CCDC170: variants seen among roughly 807,000 people sequenced by gnomAD.
CCDC170 encodes the protein coiled-coil domain-containing protein 170.
Under a neutral mutation model 72.6 loss-of-function variants are expected in CCDC170, and 69 were observed. The observed-to-expected ratio is 0.95, with a 90% CI of 0.78 to 1.16. The LOEUF is 1.16. Ranked by LOEUF, CCDC170 falls within the 50% of genes most tolerant of loss-of-function variation. The pLI is 0.00. For missense variants in CCDC170, 852 were observed against 832.5 expected (o/e 1.02, Z -0.29); for synonymous variants, 300 against 303.9 (o/e 0.99, Z 0.13).
chr6:151,556,844 T>C (rs539679331), intron 5 of CCDC170, among the ~76,000 whole-genome samples: 28 of 152,132 alleles, frequency 1.8e-4, no homozygotes, highest in African/African-American at 6.5e-4. Flanking sequence ...ATCTACTGTA[T>C]GCTTGTATCC....
chr6:151,607,550 G>A (rs1449104149), intron 9 of CCDC170, among the ~76,000 whole-genome samples: 3 of 151,996 alleles, frequency 2.0e-5, no homozygotes, highest in Non-Finnish European at 4.4e-5. Flanking sequence ...TCTTGCGCTT[G>A]TCTAAGGGTG....
chr6:151,611,945 G>T (rs532805662), intron 9 of CCDC170, among the ~76,000 whole-genome samples: 2 of 152,070 alleles, frequency 1.3e-5, no homozygotes, highest in African/African-American at 2.4e-5. Flanking sequence ...TCCTGACCTC[G>T]TGATCCACCC....
chr6:151,615,441 A>G lies in CCDC170; in HGVS notation c.1711-2A>G. On this transcript the variant is annotated splice_acceptor_variant, in intron 9 of 10. Transcript: ENST00000239374. LOFTEE classifies it high-confidence loss of function. ...GTTATCAGCATTCTCTTGACTTTCT[A>G]GATTAAAACTTTGGAACAGACTAAA... The G allele has an allele frequency of 6.2e-7, 1 of 1,601,290 alleles. No individual in the cohort carries two copies. Among genetic ancestry groups the G allele is most frequent in the Non-Finnish European group, 8.5e-7 (1 of 1,169,686 alleles).
chr6:151,562,244 A>G (rs1776045407), intron 5 of CCDC170, among the ~76,000 whole-genome samples: 1 of 152,208 alleles, frequency 6.6e-6, no homozygotes, highest in Non-Finnish European at 1.5e-5. Flanking sequence ...ATTAAGATCC[A>G]TCGTGAGAGA....
chr6:151,515,339 A>G (rs1056235346), intron 1 of CCDC170, among the ~76,000 whole-genome samples: 5 of 152,296 alleles, frequency 3.3e-5, no homozygotes, highest in African/African-American at 7.2e-5. Flanking sequence ...CTGAAGTGCA[A>G]TGGTGTGATC....
At chr6:151,580,110 A>G (rs996315413) in intron 6 of CCDC170, among the ~76,000 whole-genome samples, 3 of 152,128 alleles carry the variant, frequency 2.0e-5, no homozygotes, top group Non-Finnish European at 4.4e-5. Flanking sequence ...TGGAGACCAT[A>G]CTGATTGATG....
At chr6:151,507,741 T>C in intron 1 of CCDC170, among the ~76,000 whole-genome samples, 1 of 151,892 alleles carries the variant, frequency 6.6e-6, no homozygotes, top group Non-Finnish European at 1.5e-5. Flanking sequence ...GCCAACATGG[T>C]GAAACCCTGT....
intron 5 of CCDC170, among the ~76,000 whole-genome samples, chr6:151,562,531 C>T (rs75948794): frequency 0.019 from 2,822 of 152,210 alleles, 99 homozygotes; most frequent in African/African-American, 0.064. Flanking sequence ...CTTTATCAGA[C>T]CATGCTTGTT....
intron 6 of CCDC170, among the ~76,000 whole-genome samples, chr6:151,574,518 G>A (rs1405475081): frequency 1.3e-4 from 20 of 152,182 alleles, no homozygotes; most frequent in Admixed American, 1.3e-3. Context: ...GCTTAGAAAG[G>A]TAATGCAGAG....
At chr6:151,584,750 C>T (rs973510679) in intron 6 of CCDC170, among the ~76,000 whole-genome samples, 3 of 152,012 alleles carry the variant, frequency 2.0e-5, no homozygotes, top group Non-Finnish European at 4.4e-5. Flanking sequence ...ATATAGGCTC[C>T]GAGGGTAACT....
intron 1 of CCDC170, among the ~76,000 whole-genome samples, chr6:151,518,483 G>T (rs1782268364): frequency 6.6e-6 from 1 of 152,144 alleles, no homozygotes; most frequent in Admixed American, 6.5e-5. Context: ...GTTCAAGAAA[G>T]AATTTGGGTG....
At chr6:151,521,454 A>C (rs929907925) in intron 1 of CCDC170, among the ~76,000 whole-genome samples, 2 of 152,244 alleles carry the variant, frequency 1.3e-5, no homozygotes, top group Non-Finnish European at 2.9e-5. Context: ...CAAGTATCAG[A>C]GGCGTTCAAA....
intron 3 of CCDC170, among the ~76,000 whole-genome samples, chr6:151,541,004 T>G (rs1355447701): frequency 6.6e-6 from 1 of 152,186 alleles, no homozygotes; most frequent in African/African-American, 2.4e-5. Flanking sequence ...AGGCTCATCC[T>G]GACCTGGTTT....
chr6:151,520,861 G>T (rs978974570), intron 1 of CCDC170, among the ~76,000 whole-genome samples: 1 of 152,108 alleles, frequency 6.6e-6, no homozygotes, highest in African/African-American at 2.4e-5. Flanking sequence ...CACCCACCAA[G>T]TTATCCTTAA....
chr6:151,586,596 A>G (rs1385509993), intron 7 of CCDC170, among the ~76,000 whole-genome samples: 2 of 151,982 alleles, frequency 1.3e-5, no homozygotes, highest in African/African-American at 4.8e-5. Flanking sequence ...TGGCAAGTGC[A>G]TAGTATATTC....
intron 1 of CCDC170, among the ~76,000 whole-genome samples, chr6:151,498,741 G>T (rs1386902100): frequency 9.3e-5 from 14 of 151,176 alleles, no homozygotes; most frequent in South Asian, 6.3e-4. Flanking sequence ...AGTGGAATCA[G>T]ACTGTATTTC....
intron 4 of CCDC170, among the ~76,000 whole-genome samples, chr6:151,547,685 TTGTC>T (rs1235908393): frequency 6.6e-6 from 1 of 152,054 alleles, no homozygotes; most frequent in Non-Finnish European, 1.5e-5. Context: ...CAGAGTGAAA[TTGTC>T]TGTATGGCTC....
At chr6:151,569,328 G>A (rs780700904) in intron 5 of CCDC170, among the ~76,000 whole-genome samples, 114 of 152,148 alleles carry the variant, frequency 7.5e-4, no homozygotes, top group South Asian at 2.1e-4. Context: ...ATGCAGACTC[G>A]TGCATTTAAA....
intron 5 of CCDC170, among the ~76,000 whole-genome samples, chr6:151,567,744 T>C (rs1776157902): frequency 6.6e-6 from 1 of 152,134 alleles, no homozygotes; most frequent in African/African-American, 2.4e-5. Flanking sequence ...GTACAACAGA[T>C]AGCAACTCTC....
Sources: allele counts gnomAD v4.1 joint callset (sites outside exome capture counted in the v4.1 genomes callset), GRCh38; gene constraint gnomAD v4.1.1; transcripts MANE v1.5; gene names NCBI Gene and HGNC (gene_info 2026-07-23, HGNC 2026-07-21).